The following TULP4 variants were observed in gnomAD, a reference collection of about 807,000 sequenced individuals.
TULP4 encodes the protein TUB like protein 4.
A neutral mutation model predicts 129.0 loss-of-function variants in TULP4; 16 were observed. The ratio of observed to expected loss-of-function variants is 0.12; its 90% CI spans 0.08 to 0.19. The LOEUF (loss-of-function observed/expected upper bound fraction) is 0.19. Ranked by LOEUF, TULP4 falls within the 10% of genes least tolerant of loss-of-function variation. The pLI is 1.00. For synonymous variants in TULP4, 998 were observed against 854.0 expected (o/e 1.17, Z -2.94); for missense variants, 1,842 against 2,059.1 (o/e 0.89, Z 2.04).
chr6:158,412,580 T>C (rs1308018059), intron 1 of TULP4, among the ~76,000 whole-genome samples: 1 of 152,100 alleles, frequency 6.6e-6, no homozygotes, highest in Non-Finnish European at 1.5e-5. Context: ...ATTAACCACA[T>C]TTAGATGATT....
At chr6:158,385,141 A>G (rs1777410660) in intron 1 of TULP4, among the ~76,000 whole-genome samples, 1 of 152,164 alleles carries the variant, frequency 6.6e-6, no homozygotes, top group African/African-American at 2.4e-5. Context: ...AGTAATTACC[A>G]AGAAAAATAG....
At chr6:158,497,969 T>C (rs1295098917) in intron 11 of TULP4, among the ~76,000 whole-genome samples, 3 of 152,240 alleles carry the variant, frequency 2.0e-5, no homozygotes, top group Non-Finnish European at 2.9e-5. Context: ...ACTGTGAAAC[T>C]TAAATTCAGA....
chr6:158,382,562 C>T (rs1428233665), intron 1 of TULP4, among the ~76,000 whole-genome samples: 1 of 152,142 alleles, frequency 6.6e-6, no homozygotes, highest in Admixed American at 6.6e-5. Flanking sequence ...CTTGGCTTGC[C>T]TATTTGCTAG....
At position 158,455,235 on chromosome 6, in the gene TULP4, C is replaced by T. The variant is rs1298781200; in HGVS notation, c.859+2967C>T. On this transcript the variant is annotated intron_variant, in intron 5 of 13. Transcript: ENST00000367097. ...GACTACAGGCGCCCGCCACCGCGCC[C>T]GGCTAATTTTTTGTATTTTTAGTAG... Among the ~76,000 whole-genome samples the T allele has an allele frequency of 2.4e-4, 15 of 63,054 alleles. 5 individuals are homozygous for T. The highest frequency in any genetic ancestry group is 4.0e-4 in the Admixed American group (3 of 7,432). The allele number at this position is 63,054 out of a possible 152,430, so 41.4% of individuals were successfully genotyped here. A position where few individuals can be genotyped will look rare whatever the true frequency, so the allele number is the denominator to read the frequency against.
chr6:158,244,747 T>C (rs1367830138), intron 1 of TULP4, among the ~76,000 whole-genome samples: 1 of 152,166 alleles, frequency 6.6e-6, no homozygotes, highest in Admixed American at 6.5e-5. Context: ...GTCCTAGCAC[T>C]TTGGGAGGCT....
intron 1 of TULP4, among the ~76,000 whole-genome samples, chr6:158,272,593 C>T (rs958014292): frequency 6.6e-6 from 1 of 152,188 alleles, no homozygotes; most frequent in East Asian, 1.9e-4. Flanking sequence ...CCCTCCACAG[C>T]TGCCTGAGAT....
chr6:158,290,814 C>A (rs576071356), intron 1 of TULP4, among the ~76,000 whole-genome samples: 1 of 151,938 alleles, frequency 6.6e-6, no homozygotes, highest in Non-Finnish European at 1.5e-5. Context: ...TTCTACCTTC[C>A]CCCCCACATT....
intron 1 of TULP4, among the ~76,000 whole-genome samples, chr6:158,262,477 A>G (rs12525147): frequency 0.17 from 25,856 of 152,086 alleles, 2,580 homozygotes; most frequent in Middle Eastern, 0.24. Context: ...ATGACCACTG[A>G]AGTCTTCCTG....
chr6:158,246,025 T>TGG (rs1216351302), intron 1 of TULP4, among the ~76,000 whole-genome samples: 2 of 51,038 alleles, frequency 3.9e-5, no homozygotes, highest in African/African-American at 1.1e-4. Flanking sequence ...CCCTTAGGGG[T>TGG]GTGTGTGTGT....
chr6:158,300,148 A>T (rs1466600683), intron 1 of TULP4, among the ~76,000 whole-genome samples: 1 of 152,142 alleles, frequency 6.6e-6, no homozygotes. Flanking sequence ...TATGGTTTTT[A>T]TTGTCAGTAT....
Position 158,320,164 on chromosome 6 carries a change from T to C in TULP4, c.252+5896T>C, listed in dbSNP as rs114234166. Among the ~76,000 whole-genome samples the C allele has an allele frequency of 3.5e-3, 527 of 152,340 alleles. 4 individuals carry two copies. Among genetic ancestry groups the C allele is most frequent in the African/African-American group, 0.012 (483 of 41,580 alleles). ...CTGAAACTCCAAGGGGGACTCTTCG[T>C]GGCTGGCTGAGAAGTGATGCTTTTT... On this transcript the variant is annotated intron_variant, in intron 1 of 13. Coordinates refer to ENST00000367097, the MANE Select transcript of TULP4 (RefSeq NM_020245.5).
intron 1 of TULP4, among the ~76,000 whole-genome samples, chr6:158,350,744 G>A (rs534291579): frequency 4.6e-4 from 69 of 150,444 alleles, no homozygotes; most frequent in African/African-American, 1.4e-3. Context: ...AGGGGAGAGG[G>A]GAGATGGGAG....
Position 158,299,755 on chromosome 6 carries a change from A to G in TULP4, n.117-12296A>G, listed in dbSNP as rs565161271. On this transcript the variant is annotated intron_variant and non_coding_transcript_variant, in intron 1 of 1. Coordinates refer to the TULP4 transcript ENST00000432358. Reference sequence around the variant, plus strand: ...TTCCACAGGAGCATCCATCCAGGTGAGAGATTGAATAAGTGGGGGAAAAAG... The same window carrying G: ...TTCCACAGGAGCATCCATCCAGGTGGGAGATTGAATAAGTGGGGGAAAAAG... Among the ~76,000 whole-genome samples the G allele has an allele frequency of 3.3e-5, 5 of 152,308 alleles. No homozygotes were observed. In the East Asian group the frequency reaches 9.6e-4, roughly 29 times the overall value.
chr6:158,375,729 A>G (rs1407012141), intron 1 of TULP4, among the ~76,000 whole-genome samples: 1 of 152,252 alleles, frequency 6.6e-6, no homozygotes, highest in Non-Finnish European at 1.5e-5. Context: ...AGTGCTTATT[A>G]AACAGCTACT....
intron 12 of TULP4, 75 bp downstream of exon 12, chr6:158,498,887 G>T: frequency 6.4e-7 from 1 of 1,563,166 alleles, no homozygotes; most frequent in East Asian, 2.3e-5. Flanking sequence ...AGAGCGGCAA[G>T]TTGTTGAGGA....
upstream of TULP4, among the ~76,000 whole-genome samples, chr6:158,278,388 T>G (rs1002816250): frequency 2.5e-5 from 3 of 118,556 alleles, no homozygotes; most frequent in Non-Finnish European, 5.2e-5. Flanking sequence ...AAAATACTAG[T>G]TTTTTTTTTT....
At chr6:158,328,109 T>A (rs1385417613) in intron 1 of TULP4, among the ~76,000 whole-genome samples, 1 of 117,262 alleles carries the variant, frequency 8.5e-6, no homozygotes. Context: ...TGTGTGTGTG[T>A]GTGTGTGTGT....
intron 6 of TULP4, among the ~76,000 whole-genome samples, chr6:158,471,942 A>G (rs1340797676): frequency 6.6e-6 from 1 of 152,194 alleles, no homozygotes; most frequent in African/African-American, 2.4e-5. Context: ...ATATTTGTGA[A>G]TTCAAGTGCT....
rs565499280 is a variant in TULP4 at position 158,390,345 on chromosome 6, G to A, written c.253-22720G>A. Among the ~76,000 whole-genome samples, 261 of 150,354 alleles carry A rather than the reference G, an allele frequency of 1.7e-3. 1 individual carries two copies. Among genetic ancestry groups the A allele is most frequent in the Non-Finnish European group, 2.5e-3 (168 of 67,778 alleles). ...TTTTTACCTCTACCTAATTGTATGC[G>A]AACTACTTTCTTTGCAGATCTTAAA... On this transcript the variant is annotated intron_variant, in intron 1 of 13. Transcript: ENST00000367097.
Sources: allele counts gnomAD v4.1 joint callset (sites outside exome capture counted in the v4.1 genomes callset), GRCh38; gene constraint gnomAD v4.1.1; transcripts MANE v1.5; gene names NCBI Gene and HGNC (gene_info 2026-07-23, HGNC 2026-07-21).